FAM240B: variants seen among roughly 807,000 people sequenced by gnomAD.
FAM240B encodes protein FAM240B.
intron 1 of FAM240B, among the ~76,000 whole-genome samples, chr9:38,705,817 A>G (rs901624024): frequency 1.3e-5 from 2 of 152,190 alleles, no homozygotes; most frequent in African/African-American, 4.8e-5. Flanking sequence ...GGTATTCGAT[A>G]AAGATTTTAA....
At chr9:38,694,895 C>T (rs1821050207) in intron 2 of FAM240B, 26 bp from the exon 3 acceptor site, 1 of 398,634 alleles carries the variant, frequency 2.5e-6, no homozygotes, top group Non-Finnish European at 4.4e-6. Flanking sequence ...CGTGCACATG[C>T]TCAGTGCATT....
chr9:38,695,024 C>T (rs1821052726), intron 2 of FAM240B, among the ~76,000 whole-genome samples, 155 bp from the exon 3 acceptor site: 1 of 152,176 alleles, frequency 6.6e-6, no homozygotes, highest in Admixed American at 6.5e-5. Context: ...TTGTTCAACT[C>T]CCACTTATGA....
At chr9:38,707,281 A>G (rs1208753871) in intron 1 of FAM240B, among the ~76,000 whole-genome samples, 1 of 152,180 alleles carries the variant, frequency 6.6e-6, no homozygotes, top group African/African-American at 2.4e-5. Context: ...AAGACAAGAG[A>G]GGCCCGTGCA....
At chr9:38,719,888 T>G (rs940585304) in intron 1 of FAM240B, 134 bp downstream of exon 1, 1 of 152,116 alleles carries the variant, frequency 6.6e-6, no homozygotes, top group Non-Finnish European at 1.5e-5. Flanking sequence ...ACAGCGTAGG[T>G]GTTCAAGGTG....
At chr9:38,707,486 G>A (rs908872973) in intron 1 of FAM240B, among the ~76,000 whole-genome samples, 1 of 151,922 alleles carries the variant, frequency 6.6e-6, no homozygotes, top group African/African-American at 2.4e-5. Context: ...GGGTGAACCT[G>A]GGCCAGACGT....
intron 2 of FAM240B, among the ~76,000 whole-genome samples, chr9:38,700,251 A>G (rs1386092414): frequency 6.6e-6 from 1 of 152,212 alleles, no homozygotes; most frequent in African/African-American, 2.4e-5. Flanking sequence ...TGGCTAGTAG[A>G]TTCTGAGTCC....
At chr9:38,708,372 C>T (rs1176401663) in intron 1 of FAM240B, among the ~76,000 whole-genome samples, 12 of 152,280 alleles carry the variant, frequency 7.9e-5, no homozygotes, top group Middle Eastern at 6.8e-3. Context: ...TTCAGGCTCG[C>T]TATTGCTGTC....
intron 1 of FAM240B, among the ~76,000 whole-genome samples, chr9:38,714,100 G>A (rs1821285138): frequency 1.3e-5 from 2 of 152,038 alleles, no homozygotes; most frequent in Admixed American, 6.5e-5. Flanking sequence ...TATCCAAAGA[G>A]GGAACAATAT....
intron 1 of FAM240B, among the ~76,000 whole-genome samples, chr9:38,713,481 C>CAAAAAAAAA (rs77404875): frequency 1.3e-4 from 11 of 83,574 alleles, no homozygotes; most frequent in Admixed American, 3.5e-4. Context: ...CCGTTTCAAA[C>CAAAAAAAAA]AAAAAAAAAA....
At chr9:38,710,179 A>G (rs935337809) in intron 1 of FAM240B, among the ~76,000 whole-genome samples, 1 of 152,178 alleles carries the variant, frequency 6.6e-6, no homozygotes, top group Non-Finnish European at 1.5e-5. Context: ...CACTTTGACC[A>G]GGATGGTCTC....
At chr9:38,704,151 G>GTATTC in intron 1 of FAM240B, 149 bp from the exon 2 acceptor site, 1 of 379,104 alleles carries the variant, frequency 2.6e-6, no homozygotes, top group Non-Finnish European at 4.5e-6. Flanking sequence ...TCACACACTT[G>GTATTC]TATTCTGAGT....
intron 1 of FAM240B, among the ~76,000 whole-genome samples, chr9:38,719,447 C>T (rs1432816217): frequency 1.3e-5 from 2 of 152,100 alleles, no homozygotes; most frequent in Non-Finnish European, 2.9e-5. Flanking sequence ...AATCAAATAA[C>T]ATTTATTGAA....
Position 38,703,871 on chromosome 9 carries a change from TC to T in FAM240B, c.128del (p.Arg43LysfsTer4). ...AATTCACATACTTTTTCAGGGCGCT[TC>T]TTTCTTGACGATCTTCCTCCAGTTC... is the stretch of plus-strand genomic sequence containing the variant. ...YRELEEDRQE[R>X]SALKKLREEW... On this transcript the variant is annotated frameshift_variant, in exon 2 of 3. Coordinates refer to ENST00000637493, the MANE Select transcript of FAM240B (RefSeq NM_001394922.1). LOFTEE classifies it high-confidence loss of function. The T allele has an allele frequency of 2.5e-6, 1 of 400,548 alleles. No homozygotes were observed. The highest frequency in any genetic ancestry group is 4.4e-6 in the Non-Finnish European group (1 of 226,124). The allele number at this position is 400,548 out of a possible 1,614,324, so 24.8% of individuals were successfully genotyped here. A position where few individuals can be genotyped will look rare whatever the true frequency, so the allele number is the denominator to read the frequency against.
intron 1 of FAM240B, among the ~76,000 whole-genome samples, chr9:38,715,673 TTGA>T (rs1412643025): frequency 2.0e-5 from 3 of 152,168 alleles, no homozygotes; most frequent in Non-Finnish European, 4.4e-5. Flanking sequence ...TTTTTAAATG[TTGA>T]TGATAATTTA....
chr9:38,696,001 C>T (rs915119721), intron 2 of FAM240B, among the ~76,000 whole-genome samples: 19 of 152,134 alleles, frequency 1.2e-4, no homozygotes. Flanking sequence ...AAACAATGGG[C>T]TTGGAATCTG....
At chr9:38,703,135 G>A (rs1383090591) in intron 2 of FAM240B, among the ~76,000 whole-genome samples, 4 of 152,184 alleles carry the variant, frequency 2.6e-5, no homozygotes, top group African/African-American at 9.7e-5. Context: ...CAATAGCGCT[G>A]AGGTGGAAAA....
intron 1 of FAM240B, among the ~76,000 whole-genome samples, chr9:38,707,093 A>G (rs1821199135): frequency 6.6e-6 from 1 of 152,216 alleles, no homozygotes; most frequent in African/African-American, 2.4e-5. Flanking sequence ...AATGCCTTTT[A>G]TATGCATAAT....
At chr9:38,699,748 A>C (rs1821104484) in intron 2 of FAM240B, among the ~76,000 whole-genome samples, 1 of 152,184 alleles carries the variant, frequency 6.6e-6, no homozygotes, top group African/African-American at 2.4e-5. Context: ...AATGATCCTG[A>C]AGGTCCTCTG....
Position 38,694,406 on chromosome 9 carries a change from C to A in FAM240B, c.*370G>T, listed in dbSNP as rs956853222. 1 of 167,806 alleles carries A rather than the reference C, an allele frequency of 6.0e-6. No individual in the cohort carries two copies. Among genetic ancestry groups the A allele is most frequent in the African/African-American group, 2.4e-5 (1 of 42,148 alleles). The allele number at this position is 167,806 out of a possible 1,614,324, so 10.4% of individuals were successfully genotyped here. ...AAATTTTCATCAAGGTCATTGCCCT[C>A]GGTAAGCTTAGAGAAAACACTTCAA... On this transcript the variant is annotated 3_prime_UTR_variant, in exon 3 of 3. Transcript: ENST00000637493.
Sources: allele counts gnomAD v4.1 joint callset (sites outside exome capture counted in the v4.1 genomes callset), GRCh38; gene constraint gnomAD v4.1.1; transcripts MANE v1.5; gene names NCBI Gene and HGNC (gene_info 2026-07-23, HGNC 2026-07-21).